Variants in SRBD1 observed in about 807,000 individuals in gnomAD.
SRBD1 encodes the protein S1 RNA binding domain 1.
In SRBD1, 88 loss-of-function variants were observed where a neutral mutation model predicts 115.3. That is an observed-to-expected ratio of 0.76 (90% CI 0.64 to 0.91). The LOEUF is 0.91. SRBD1 is among the 40% of genes least tolerant of loss of function. SRBD1 has a pLI of 0.00. For missense variants in SRBD1, 1,385 were observed against 1,177.4 expected, an observed-to-expected ratio of 1.18 and a Z score of -2.58; for synonymous variants, 509 against 407.7, an observed-to-expected ratio of 1.25 and a Z score of -2.99.
intron 15 of SRBD1, among the ~76,000 whole-genome samples, chr2:45,485,903 T>C (rs1301931393): frequency 6.6e-6 from 1 of 152,190 alleles, no homozygotes; most frequent in African/African-American, 2.4e-5. Context: ...CCAAGCTCTT[T>C]GAATATTTGA....
intron 19 of SRBD1, among the ~76,000 whole-genome samples, chr2:45,396,051 G>C (rs933476721): frequency 1.3e-5 from 2 of 151,996 alleles, no homozygotes; most frequent in African/African-American, 4.8e-5. Context: ...ATAAATATCT[G>C]TCAGACATTG....
chr2:45,483,615 T>G (rs1323368133), intron 15 of SRBD1, among the ~76,000 whole-genome samples: 1 of 152,176 alleles, frequency 6.6e-6, no homozygotes, highest in African/African-American at 2.4e-5. Context: ...AACTGTACTC[T>G]CTTTAAAATT....
intron 19 of SRBD1, among the ~76,000 whole-genome samples, chr2:45,407,338 C>A (rs13001764): frequency 0.57 from 87,101 of 151,940 alleles, 26,089 homozygotes; most frequent in Non-Finnish European, 0.68. Context: ...TACAGAATGA[C>A]ATTTTTAAAA....
intron 16 of SRBD1, chr2:45,447,777 C>T (rs923649156): frequency 3.9e-5 from 6 of 152,052 alleles, no homozygotes; most frequent in East Asian, 1.9e-4. Flanking sequence ...GAATATGTTA[C>T]GTAACAAAAG....
intron 11 of SRBD1, among the ~76,000 whole-genome samples, chr2:45,553,333 TACCTCTAAAA>T (rs1208020100): frequency 6.6e-6 from 1 of 152,214 alleles, no homozygotes; most frequent in Non-Finnish European, 1.5e-5. Context: ...TTGGCTCTCT[TACCTCTAAAA>T]ACTGCCTCCA....
intron 14 of SRBD1, among the ~76,000 whole-genome samples, chr2:45,538,217 C>T (rs891794080): frequency 6.6e-6 from 1 of 152,292 alleles, no homozygotes; most frequent in South Asian, 2.1e-4. Flanking sequence ...AAAAATTCTT[C>T]ATAACACCCC....
intron 14 of SRBD1, among the ~76,000 whole-genome samples, chr2:45,532,685 C>T (rs996209514): frequency 6.6e-5 from 10 of 151,592 alleles, no homozygotes; most frequent in African/African-American, 2.4e-4. Flanking sequence ...TTAAACTGGG[C>T]GTAACCTTAG....
intron 1 of SRBD1, among the ~76,000 whole-genome samples, chr2:45,608,822 ATT>A (rs1198504872): frequency 7.0e-6 from 1 of 143,564 alleles, no homozygotes; most frequent in Non-Finnish European, 1.5e-5. Context: ...GAAAAAAAAA[ATT>A]TTTTTTTTTT....
At chr2:45,403,175 T>C (rs981158739) in intron 19 of SRBD1, among the ~76,000 whole-genome samples, 2 of 152,092 alleles carry the variant, frequency 1.3e-5, no homozygotes, top group African/African-American at 4.8e-5. Flanking sequence ...GGGATTCAGT[T>C]TGGGGAGGTC....
intron 4 of SRBD1, among the ~76,000 whole-genome samples, chr2:45,590,295 C>T (rs1388861959): frequency 1.3e-5 from 2 of 152,214 alleles, no homozygotes; most frequent in South Asian, 2.1e-4. Context: ...ACTCAGTTTA[C>T]AGTTTAGCTT....
intron 9 of SRBD1, among the ~76,000 whole-genome samples, chr2:45,572,949 C>T (rs1673065986): frequency 6.6e-6 from 1 of 152,036 alleles, no homozygotes; most frequent in Non-Finnish European, 1.5e-5. Context: ...AAAAAGATCA[C>T]CAGCCAAAAA....
At position 45,579,950 on chromosome 2, in the gene SRBD1, C is replaced by G; in HGVS notation, c.997G>C (p.Glu333Gln). ...KAQRARQLGL[E>Q]GAARALLEKP... ...TCAAGCAGTGCCCTGGCTGCTCCTT[C>G]TAAGCCCAACTGTCTTGCTCTCTGG... The change falls in exon 7 of 21, where the codon GAA (glutamate) becomes CAA (glutamine). Residue 333 changes from glutamate (E) to glutamine (Q), a missense_variant. Physicochemically the swap from Glu to Gln is conservative, Grantham distance 29 (BLOSUM62 2). Transcript: ENST00000263736. 1.2e-6 allele frequency: 2 copies of G among 1,609,754 alleles called. No homozygotes were observed. Among genetic ancestry groups the G allele is most frequent in the Non-Finnish European group, 1.7e-6 (2 of 1,177,830 alleles).
Position 45,419,895 on chromosome 2 carries a change from C to G in SRBD1, c.2050-1G>C. Reference sequence around the variant, plus strand: ...TGAGTAAAGTCTGGGATACGTCATGCTGAAAAGACAAAGATCAAATATTAA... The same window carrying G: ...TGAGTAAAGTCTGGGATACGTCATGGTGAAAAGACAAAGATCAAATATTAA... On this transcript the variant is annotated splice_acceptor_variant, in intron 16 of 20. Transcript: ENST00000263736. LOFTEE classifies it high-confidence loss of function. 6.2e-7 allele frequency: 1 copy of G among 1,611,732 alleles called. No homozygotes were observed. Among genetic ancestry groups the G allele is most frequent in the Non-Finnish European group, 8.5e-7 (1 of 1,178,894 alleles).
chr2:45,582,145 T>C (rs1026287633), intron 5 of SRBD1, among the ~76,000 whole-genome samples: 1 of 152,180 alleles, frequency 6.6e-6, no homozygotes, highest in Non-Finnish European at 1.5e-5. Flanking sequence ...TTACATGTAG[T>C]TGGCATGCAA....
chr2:45,409,420 C>G (rs1356147167), intron 19 of SRBD1, among the ~76,000 whole-genome samples: 1 of 150,102 alleles, frequency 6.7e-6, no homozygotes, highest in Non-Finnish European at 1.5e-5. Flanking sequence ...TTAAAAAAAT[C>G]TGAACCATGG....
At chr2:45,587,533 T>A (rs1245867503) in intron 4 of SRBD1, among the ~76,000 whole-genome samples, 1 of 152,082 alleles carries the variant, frequency 6.6e-6, no homozygotes, top group Non-Finnish European at 1.5e-5. Flanking sequence ...TGACAGAAAC[T>A]GGGGTAAAAA....
intron 4 of SRBD1, among the ~76,000 whole-genome samples, chr2:45,588,748 G>A (rs953545510): frequency 2.0e-5 from 3 of 152,212 alleles, no homozygotes; most frequent in African/African-American, 7.2e-5. Context: ...AACTTCCTCT[G>A]AAGAAATACA....
intron 12 of SRBD1, among the ~76,000 whole-genome samples, chr2:45,549,666 C>A (rs1193507288): frequency 8.5e-6 from 1 of 117,830 alleles, no homozygotes; most frequent in Non-Finnish European, 1.6e-5. Flanking sequence ...GCCTGGGCAA[C>A]ATGACGAAAC....
At chr2:45,473,069 A>G (rs1669698619) in intron 16 of SRBD1, among the ~76,000 whole-genome samples, 2 of 151,734 alleles carry the variant, frequency 1.3e-5, no homozygotes, top group South Asian at 4.1e-4. Context: ...ACTTTTAAAT[A>G]CCTATTACTT....
Sources: gnomAD v4.1 joint callset for allele counts (sites outside exome capture counted in the v4.1 genomes callset) on GRCh38, gnomAD v4.1.1 for gene constraint, MANE v1.5 for transcripts, NCBI Gene and HGNC (gene_info 2026-07-23, HGNC 2026-07-21) for gene names.